The following CFAP20DC variants were observed in gnomAD, a reference collection of about 807,000 sequenced individuals.
CFAP20DC encodes the protein CFAP20 domain containing, also known as protein CFAP20DC.
CFAP20DC carries 84 observed loss-of-function variants against 101.7 expected under a neutral mutation model. That is an observed-to-expected ratio of 0.83 (90% CI 0.69 to 0.99). The LOEUF is 0.99. Among genes scored for constraint, CFAP20DC ranks in the 50% least tolerant of loss-of-function variants. The pLI is 0.00. For synonymous variants in CFAP20DC, 359 were observed against 351.2 expected, an observed-to-expected ratio of 1.02 and a Z score of -0.25; for missense variants, 1,007 against 970.3, an observed-to-expected ratio of 1.04 and a Z score of -0.50.
chr3:59,032,714 A>G (rs1237574883), intron 4 of CFAP20DC, among the ~76,000 whole-genome samples: 1 of 152,186 alleles, frequency 6.6e-6, no homozygotes, highest in Non-Finnish European at 1.5e-5. Flanking sequence ...ACTTATAGAT[A>G]AAACCCCCAT....
intron 15 of CFAP20DC, among the ~76,000 whole-genome samples, chr3:58,801,891 A>T (rs2073737775): frequency 6.6e-6 from 1 of 152,242 alleles, no homozygotes; most frequent in South Asian, 2.1e-4. Flanking sequence ...ATAAGTGACA[A>T]ATCATTGAGC....
At position 58,849,255 on chromosome 3, in the gene CFAP20DC, T is replaced by C; in HGVS notation, c.1748A>G (p.Gln583Arg). Residue 583 changes from glutamine to arginine, a missense_variant, in exon 13 of 17, where the codon CAG becomes CGG. Transcript: ENST00000482387. ...AYTEAGATES[Q>R]DSSMEQIDRN... Reference sequence around the variant, plus strand: ...ATCTATTTGCTCCATCGAGGAATCCTGGCTTTCTGTTGCTCCTGCTTCTGT... The same window carrying C: ...ATCTATTTGCTCCATCGAGGAATCCCGGCTTTCTGTTGCTCCTGCTTCTGT... 6.5e-7 allele frequency: 1 copy of C among 1,536,100 alleles called. No individual in the cohort carries two copies. The highest frequency in any genetic ancestry group is 2.4e-5 in the East Asian group (1 of 40,916).
rs2081289599 is a variant in CFAP20DC, at chr3:58,882,326, A to G, written c.715+2219T>C. On this transcript the variant is annotated intron_variant, in intron 7 of 16. Coordinates refer to ENST00000482387, the MANE Select transcript of CFAP20DC (RefSeq NM_001394063.1). This position sits in a 1 kb window ranked among gnomAD's most constrained non-coding sequence, Gnocchi z 4.2. ...AGTGATGCAATTAATATTTATCCAA[A>G]TTCCCATTTAATTTCACACATTATA... Among the ~76,000 whole-genome samples, 1 of 152,166 alleles carries G rather than the reference A, an allele frequency of 6.6e-6. No homozygotes were observed. Among genetic ancestry groups the G allele is most frequent in the South Asian group, 2.1e-4 (1 of 4,836 alleles).
At chr3:59,035,960 A>G (rs1408681474) in intron 4 of CFAP20DC, among the ~76,000 whole-genome samples, 1 of 151,720 alleles carries the variant, frequency 6.6e-6, no homozygotes, top group African/African-American at 2.4e-5. Context: ...ACCACAATCA[A>G]GTTGGCTTCA....
At chr3:58,764,339 C>A (rs976994376) in intron 15 of CFAP20DC, among the ~76,000 whole-genome samples, 3 of 152,232 alleles carry the variant, frequency 2.0e-5, no homozygotes, top group East Asian at 3.9e-4. Context: ...CCGAGCCAGG[C>A]GTGGGATATA....
At chr3:58,943,936 T>C (rs1316119672) in intron 4 of CFAP20DC, among the ~76,000 whole-genome samples, 3 of 151,826 alleles carry the variant, frequency 2.0e-5, no homozygotes, top group Non-Finnish European at 2.9e-5. Context: ...TACGCAAGTA[T>C]CAATAGCCGA....
chr3:58,756,785 T>C (rs1302508949), intron 15 of CFAP20DC, among the ~76,000 whole-genome samples: 1 of 152,130 alleles, frequency 6.6e-6, no homozygotes, highest in Non-Finnish European at 1.5e-5. Context: ...TGTTTTTTAT[T>C]CCCTTTCTTA....
At chr3:58,790,454 C>G (rs2072753990) in intron 15 of CFAP20DC, among the ~76,000 whole-genome samples, 1 of 152,156 alleles carries the variant, frequency 6.6e-6, no homozygotes. Context: ...CCTGCCATGT[C>G]CCCTATCATG....
At chr3:58,828,038 T>A (rs1218905328) in intron 14 of CFAP20DC, among the ~76,000 whole-genome samples, 2 of 152,008 alleles carry the variant, frequency 1.3e-5, no homozygotes, top group Admixed American at 6.6e-5. Flanking sequence ...GGTACAGGGA[T>A]AATGTGCAGA....
chr3:58,996,240 A>G (rs2093129371), intron 4 of CFAP20DC, among the ~76,000 whole-genome samples: 1 of 152,176 alleles, frequency 6.6e-6, no homozygotes, highest in African/African-American at 2.4e-5. Flanking sequence ...GCTTATTTTT[A>G]TATATTTGAC....
chr3:58,888,338 C>T (rs998012214), intron 6 of CFAP20DC, among the ~76,000 whole-genome samples: 2 of 152,168 alleles, frequency 1.3e-5, no homozygotes, highest in Non-Finnish European at 2.9e-5. Context: ...GTGACCCTGT[C>T]CTTGCCTCCT....
intron 14 of CFAP20DC, among the ~76,000 whole-genome samples, chr3:58,815,721 A>G (rs2075069363): frequency 6.6e-6 from 1 of 151,020 alleles, no homozygotes; most frequent in Non-Finnish European, 1.5e-5. Context: ...ACACTTCTCA[A>G]AAGAAGACAT....
intron 5 of CFAP20DC, among the ~76,000 whole-genome samples, chr3:58,922,553 A>G (rs138693606): frequency 3.3e-5 from 5 of 152,184 alleles, no homozygotes; most frequent in African/African-American, 1.2e-4. Context: ...AGAGTCTGAC[A>G]ATGCCTCCTC....
chr3:58,883,744 C>G (rs528575533), intron 7 of CFAP20DC, among the ~76,000 whole-genome samples: 34 of 152,168 alleles, frequency 2.2e-4, no homozygotes, highest in African/African-American at 7.2e-4. Context: ...ATCCAGTGGT[C>G]CATCCTAGAC....
chr3:58,743,755 T>G lies in CFAP20DC; in HGVS notation c.2333-1183A>C, dbSNP rs1416608280. On this transcript the variant is annotated intron_variant, in intron 16 of 16. Transcript: ENST00000482387. ...TGGTGGTTGTGGGGTTCCATCTTACTCAGCCAAAATCAGACCAAGCTGGTG... is the reference window on the plus strand; with the variant it reads ...TGGTGGTTGTGGGGTTCCATCTTACGCAGCCAAAATCAGACCAAGCTGGTG... 3.3e-5 allele frequency among the ~76,000 whole-genome samples: 5 copies of G among 152,174 alleles called. No homozygotes were observed. The East Asian group carries it at 9.6e-4, about 29-fold the overall frequency.
chr3:59,027,791 T>A (rs977226063), intron 4 of CFAP20DC, among the ~76,000 whole-genome samples: 1 of 152,168 alleles, frequency 6.6e-6, no homozygotes, highest in Non-Finnish European at 1.5e-5. Context: ...GCCCCCAGGC[T>A]CTGAAACACC....
chr3:58,869,618 G>C lies in CFAP20DC; in HGVS notation c.853-128C>G, dbSNP rs1021390728. On this transcript the variant is annotated intron_variant, in intron 8 of 16. Transcript: ENST00000482387. The surrounding 1 kb of genome is among the most constrained non-coding windows in gnomAD (Gnocchi z 4.3). The stretch of plus-strand genomic sequence containing the variant: ...AAAAAACTAGAGGAAATGAGGTTAA[G>C]ATGTGAAGAAAAAGGAAATTATTAT... The C allele has an allele frequency of 2.5e-5, 16 of 632,736 alleles. No individual in the cohort carries two copies. Among genetic ancestry groups the C allele is most frequent in the Non-Finnish European group, 1.7e-5 (7 of 405,416 alleles). The allele number at this position is 632,736 out of a possible 1,614,324, so 39.2% of individuals were successfully genotyped here.
In CFAP20DC at chr3:58,766,924, C is replaced by A. The variant is rs146585571; in HGVS notation, c.2238-13061G>T. On this transcript the variant is annotated intron_variant, in intron 15 of 16. Coordinates refer to ENST00000482387, the MANE Select transcript of CFAP20DC (RefSeq NM_001394063.1). ...TCTTGGGAAATCTTCGCTGACATCC[C>A]CTCTTCAATCTAGTCGAGCTCCTTT... is the stretch of plus-strand genomic sequence containing the variant. 3.3e-5 allele frequency among the ~76,000 whole-genome samples: 5 copies of A among 152,324 alleles called. No homozygotes were observed. In the East Asian group the frequency reaches 9.6e-4, roughly 29 times the overall value.
rs904118894 is a variant in CFAP20DC, at chr3:58,992,658, T to C, written c.278+46899A>G. 11 of 617,372 alleles carry C rather than the reference T, an allele frequency of 1.8e-5. No individual in the cohort carries two copies. The East Asian group carries it at 1.5e-3, about 86-fold the overall frequency. The allele number at this position is 617,372 out of a possible 1,614,324, so 38.2% of individuals were successfully genotyped here. A position where few individuals can be genotyped will look rare whatever the true frequency, so the allele number is the denominator to read the frequency against. The stretch of plus-strand genomic sequence containing the variant: ...TAAATACAAAAATAATTTTGAAATT[T>C]GTTCAAATTTACATTTATAAATTTA... On this transcript the variant is annotated intron_variant, in intron 4 of 16. Coordinates refer to ENST00000482387, the MANE Select transcript of CFAP20DC (RefSeq NM_001394063.1).
Sources: allele counts gnomAD v4.1 joint callset (sites outside exome capture counted in the v4.1 genomes callset), GRCh38; gene constraint gnomAD v4.1.1; non-coding constraint Gnocchi (gnomAD v3.1); transcripts MANE v1.5; gene names NCBI Gene and HGNC (gene_info 2026-07-23, HGNC 2026-07-21).